Variants in LRP1B observed in about 807,000 individuals in gnomAD.
LRP1B encodes the protein LDL receptor related protein 1B.
Under a neutral mutation model 556.6 loss-of-function variants are expected in LRP1B, and 217 were observed. The ratio of observed to expected loss-of-function variants is 0.39; its 90% confidence interval spans 0.35 to 0.44. LRP1B has a LOEUF of 0.44. Among genes scored for constraint, LRP1B ranks in the 20% least tolerant of loss-of-function variants. The pLI is 1.00. For missense variants in LRP1B, 5,053 were observed against 5,620.8 expected (o/e 0.90, Z 3.23); for synonymous variants, 2,047 against 1,865.8 (o/e 1.10, Z -2.50).
intron 4 of LRP1B, among the ~76,000 whole-genome samples, chr2:141,254,285 T>C (rs1434320698): frequency 6.6e-6 from 1 of 152,066 alleles, no homozygotes; most frequent in Non-Finnish European, 1.5e-5. Flanking sequence ...AACCCAAACA[T>C]TTCCGATTGT....
intron 2 of LRP1B, among the ~76,000 whole-genome samples, chr2:141,769,855 A>C (rs1031706019): frequency 6.6e-6 from 1 of 151,626 alleles, no homozygotes; most frequent in Admixed American, 6.6e-5. Context: ...GGAACCTTGA[A>C]AATTACCTAG....
At chr2:141,291,842 C>T (rs555754115) in intron 3 of LRP1B, among the ~76,000 whole-genome samples, 27 of 112,312 alleles carry the variant, frequency 2.4e-4, no homozygotes, top group African/African-American at 8.4e-4. Flanking sequence ...GGCGAAAGAG[C>T]GAGACTCTGT....
intron 25 of LRP1B, among the ~76,000 whole-genome samples, chr2:140,881,803 G>A (rs1341711048): frequency 6.6e-6 from 1 of 152,088 alleles, no homozygotes; most frequent in Non-Finnish European, 1.5e-5. Context: ...ACTCTTCGAG[G>A]ATATTTCACA....
At chr2:141,315,599 G>C (rs1558999916) in intron 3 of LRP1B, among the ~76,000 whole-genome samples, 1 of 151,642 alleles carries the variant, frequency 6.6e-6, no homozygotes, top group Non-Finnish European at 1.5e-5. Context: ...TGTATAAATT[G>C]TTATTATTAT....
chr2:141,694,349 C>G (rs796900349), intron 2 of LRP1B, among the ~76,000 whole-genome samples: 2 of 152,136 alleles, frequency 1.3e-5, no homozygotes, highest in African/African-American at 4.8e-5. Flanking sequence ...AGAGAGTCCT[C>G]GGCACATAGG....
chr2:141,177,221 AC>A (rs1245854324), intron 7 of LRP1B, among the ~76,000 whole-genome samples: 2 of 152,098 alleles, frequency 1.3e-5, no homozygotes. Flanking sequence ...CTCAATGACT[AC>A]CTGGAGAAAA....
chr2:142,101,976 C>A (rs1706582137), intron 1 of LRP1B, among the ~76,000 whole-genome samples: 1 of 151,792 alleles, frequency 6.6e-6, no homozygotes, highest in Non-Finnish European at 1.5e-5. Flanking sequence ...TCTTTTAGTT[C>A]TGAGATGTTA....
chr2:141,931,097 A>G (rs929586360), intron 1 of LRP1B, among the ~76,000 whole-genome samples: 1 of 152,044 alleles, frequency 6.6e-6, no homozygotes, highest in African/African-American at 2.4e-5. Context: ...TATGTGTTAG[A>G]ATACATACAC....
At chr2:141,813,877 G>A (rs1696438702) in intron 1 of LRP1B, among the ~76,000 whole-genome samples, 1 of 152,118 alleles carries the variant, frequency 6.6e-6, no homozygotes. Context: ...GCAAGAGGGG[G>A]TCTAAAAGAG....
chr2:140,250,548 A>T (rs1681367882), intron 86 of LRP1B, among the ~76,000 whole-genome samples: 1 of 151,496 alleles, frequency 6.6e-6, no homozygotes, highest in African/African-American at 2.4e-5. Context: ...GCATTATTTA[A>T]TGCTAAATTG....
At chr2:142,039,749 T>C (rs1704001733) in intron 1 of LRP1B, among the ~76,000 whole-genome samples, 1 of 151,576 alleles carries the variant, frequency 6.6e-6, no homozygotes, top group Non-Finnish European at 1.5e-5. Context: ...TTGACTTTGC[T>C]TCTGTCATTC....
At position 140,373,147 on chromosome 2, in the gene LRP1B, A is replaced by C; in HGVS notation, c.10639-10T>G. The C allele has an allele frequency of 6.2e-7, 1 of 1,611,712 alleles. No homozygotes were observed. Among genetic ancestry groups the C allele is most frequent in the Non-Finnish European group, 8.5e-7 (1 of 1,178,580 alleles). On this transcript the variant is annotated splice_polypyrimidine_tract_variant and intron_variant, in intron 68 of 90. Coordinates refer to ENST00000389484, the MANE Select transcript of LRP1B (RefSeq NM_018557.3). Reference sequence around the variant, plus strand: ...TTGTCTCACAATTTCTCTATGAAAAACAACAGAGATATAATCAAAATTAAA... The same window carrying C: ...TTGTCTCACAATTTCTCTATGAAAACCAACAGAGATATAATCAAAATTAAA...
intron 25 of LRP1B, among the ~76,000 whole-genome samples, chr2:140,874,523 T>G (rs1057451250): frequency 1.8e-4 from 27 of 152,212 alleles, no homozygotes; most frequent in Non-Finnish European, 3.4e-4. Flanking sequence ...CTTTTGCCTT[T>G]GGTAACCAGT....
chr2:140,789,788 G>A (rs1364244708), intron 32 of LRP1B, among the ~76,000 whole-genome samples: 1 of 150,550 alleles, frequency 6.6e-6, no homozygotes, highest in African/African-American at 2.4e-5. Context: ...CCGCCACTAC[G>A]CCCGGCTAAT....
chr2:142,032,047 C>G (rs1295123330), intron 1 of LRP1B, among the ~76,000 whole-genome samples: 1 of 151,822 alleles, frequency 6.6e-6, no homozygotes, highest in African/African-American at 2.4e-5. Context: ...CCTGCCAACG[C>G]CTTGATCTCA....
chr2:140,922,871 AC>A, intron 21 of LRP1B, 93 bp downstream of exon 21: 1 of 1,071,508 alleles, frequency 9.3e-7, no homozygotes, highest in South Asian at 1.7e-5. Context: ...ATATAAGATT[AC>A]TTTTTACAAA....
chr2:140,966,427 C>A (rs1696224686), intron 18 of LRP1B, among the ~76,000 whole-genome samples: 1 of 151,946 alleles, frequency 6.6e-6, no homozygotes, highest in Non-Finnish European at 1.5e-5. Flanking sequence ...TGTTTGAGTT[C>A]TTTGTAGATT....
chr2:140,606,383 T>C (rs1313474058), intron 41 of LRP1B, among the ~76,000 whole-genome samples: 1 of 151,784 alleles, frequency 6.6e-6, no homozygotes, highest in East Asian at 1.9e-4. Context: ...TTTTAAAAAA[T>C]GGAAAGATAA....
chr2:140,718,658 G>A (rs913048118), intron 35 of LRP1B, among the ~76,000 whole-genome samples: 2 of 151,832 alleles, frequency 1.3e-5, no homozygotes, highest in Non-Finnish European at 2.9e-5. Context: ...CCGCTGTCTC[G>A]CACCAAACTC....
Sources: allele counts gnomAD v4.1 joint callset (sites outside exome capture counted in the v4.1 genomes callset), GRCh38; gene constraint gnomAD v4.1.1; transcripts MANE v1.5; gene names NCBI Gene and HGNC (gene_info 2026-07-23, HGNC 2026-07-21).